Variants in CCDC13 observed in about 807,000 individuals in gnomAD.
CCDC13 encodes the protein coiled-coil domain-containing protein 13.
CCDC13 carries 70 observed loss-of-function variants against 87.3 expected under a neutral mutation model. That is an observed-to-expected ratio of 0.80 (90% CI 0.66 to 0.98). The LOEUF (loss-of-function observed/expected upper bound fraction) is 0.98. CCDC13 is among the 50% of genes least tolerant of loss of function. The pLI is 0.00. For missense variants in CCDC13, 842 were observed against 892.0 expected (o/e 0.94, Z 0.71); for synonymous variants, 317 against 360.3 (o/e 0.88, Z 1.36).
Position 42,750,650 on chromosome 3 carries a change from T to A in CCDC13, c.603+1286A>T, listed in dbSNP as rs1240618560. ...GCCTGGCTAATTGTTGTATTTTTACTAGAGATGGTGTTTCACCATGTTGGC... is the reference window on the plus strand; with the variant it reads ...GCCTGGCTAATTGTTGTATTTTTACAAGAGATGGTGTTTCACCATGTTGGC... On this transcript the variant is annotated intron_variant, in intron 5 of 15. Transcript: ENST00000310232. Among the ~76,000 whole-genome samples, 3 of 152,342 alleles carry A rather than the reference T, an allele frequency of 2.0e-5. No individual in the cohort carries two copies. In the East Asian group the frequency reaches 5.8e-4, roughly 29 times the overall value.
At chr3:42,733,176 AAC>A (rs1297008790) in intron 11 of CCDC13, among the ~76,000 whole-genome samples, 1 of 152,244 alleles carries the variant, frequency 6.6e-6, no homozygotes, top group African/African-American at 2.4e-5. Flanking sequence ...TGAACAACCC[AAC>A]ACGGGTCTGT....
chr3:42,707,553 G>A lies in CCDC13; in HGVS notation c.*1427C>T, dbSNP rs115131009. On this transcript the variant is annotated 3_prime_UTR_variant, in exon 16 of 16. Coordinates refer to ENST00000310232, the MANE Select transcript of CCDC13 (RefSeq NM_144719.4). ...AGCCGCAGTGGCTTTTCCAAGGAAG[G>A]AGCTGACAAGATGCTCGCAGGAGCC... Among the ~76,000 whole-genome samples, 1,104 of 152,328 alleles carry A rather than the reference G, an allele frequency of 7.2e-3. 9 individuals are homozygous for A. Among genetic ancestry groups the A allele is most frequent in the Non-Finnish European group, 0.01 (692 of 68,026 alleles).
At chr3:42,742,833 T>A in intron 8 of CCDC13, 63 bp downstream of exon 8, 2 of 1,589,850 alleles carry the variant, frequency 1.3e-6, no homozygotes. Flanking sequence ...TCAGAGCCCT[T>A]GCAGGCACCA....
chr3:42,711,637 C>A (rs1399588583), intron 14 of CCDC13, among the ~76,000 whole-genome samples: 3 of 152,226 alleles, frequency 2.0e-5, no homozygotes, highest in Non-Finnish European at 4.4e-5. Flanking sequence ...CAGGCCACAT[C>A]CCCTCCCAGT....
intron 13 of CCDC13, among the ~76,000 whole-genome samples, chr3:42,716,107 A>G (rs1233109245): frequency 6.6e-6 from 1 of 152,208 alleles, no homozygotes; most frequent in Non-Finnish European, 1.5e-5. Context: ...TGCTTTCCAC[A>G]TACCAACTAC....
At chr3:42,721,204 C>T (rs1044127416) in intron 13 of CCDC13, among the ~76,000 whole-genome samples, 1 of 152,156 alleles carries the variant, frequency 6.6e-6, no homozygotes, top group South Asian at 2.1e-4. Flanking sequence ...ACAGAGGCAA[C>T]CAAAATTTCC....
intron 1 of CCDC13, among the ~76,000 whole-genome samples, chr3:42,772,405 G>A (rs1211431185): frequency 6.6e-6 from 1 of 152,102 alleles, no homozygotes; most frequent in African/African-American, 2.4e-5. Context: ...AGTCCTATGA[G>A]GAAGCAAGAT....
chr3:42,770,876 G>A (rs1213677883), intron 1 of CCDC13: 2 of 152,728 alleles, frequency 1.3e-5, no homozygotes, highest in Non-Finnish European at 2.9e-5. Flanking sequence ...CCACCAAAAG[G>A]AAGAAACTCT....
rs143078504 is a variant in CCDC13 at position 42,713,201 on chromosome 3, C to T, written c.1834G>A (p.Ala612Thr). The change falls in exon 14 of 16, where the codon GCA (alanine) becomes ACA (threonine). Residue 612 changes from alanine (A) to threonine (T), a missense_variant. By Grantham distance (58) the Ala-to-Thr change is moderately conservative. Transcript: ENST00000310232. ...LEKIRLEPGK[A>T]SASQRAAPRT... ...GGAGCTGCTCTCTGGGAGGCTGATG[C>T]CTTCCCTGGCTCCAGGCGTATCTTC... The T allele has an allele frequency of 1.9e-5, 31 of 1,614,060 alleles. No individual in the cohort carries two copies. Among genetic ancestry groups the T allele is most frequent in the Non-Finnish European group, 2.6e-5 (31 of 1,180,012 alleles).
At chr3:42,754,518 T>C (rs1028093178) in intron 3 of CCDC13, among the ~76,000 whole-genome samples, 4 of 152,118 alleles carry the variant, frequency 2.6e-5, no homozygotes, top group African/African-American at 7.2e-5. Flanking sequence ...AGAAATGCAG[T>C]TTCAGCAGAG....
At chr3:42,725,963 C>T (rs141819523) in intron 13 of CCDC13, among the ~76,000 whole-genome samples, 1 of 152,064 alleles carries the variant, frequency 6.6e-6, no homozygotes, top group Non-Finnish European at 1.5e-5. Flanking sequence ...GGAATAAGTT[C>T]AAAATTATTT....
chr3:42,755,374 C>T (rs557388552), intron 3 of CCDC13, among the ~76,000 whole-genome samples: 3 of 152,144 alleles, frequency 2.0e-5, no homozygotes, highest in African/African-American at 4.8e-5. Flanking sequence ...TTTGGGAGTC[C>T]GAGGCGGGCA....
Position 42,758,202 on chromosome 3 carries a change from C to G in CCDC13, c.144G>C (p.Glu48Asp). 1 of 1,614,170 alleles carries G rather than the reference C, an allele frequency of 6.2e-7. No homozygotes were observed. Among genetic ancestry groups the G allele is most frequent in the Non-Finnish European group, 8.5e-7 (1 of 1,180,052 alleles). ...LSLKSRADDQ[E>D]EPLEVSDGLS... ...GGCCATCTGAAACCTCCAAGGGCTC[C>G]TCTTGGTCGTCAGCTCTGCTTTTGA... Residue 48 changes from glutamate to aspartate, a missense_variant, in exon 2 of 16, where the codon GAG (glutamate) becomes GAC (aspartate). Physicochemically the swap from Glu to Asp is conservative, Grantham distance 45. Transcript: ENST00000310232.
intron 1 of CCDC13, among the ~76,000 whole-genome samples, chr3:42,766,841 T>C (rs1388972890): frequency 1.3e-5 from 2 of 152,144 alleles, no homozygotes; most frequent in African/African-American, 2.4e-5. Flanking sequence ...GAAAAAGCAT[T>C]TGACAAAATC....
intron 13 of CCDC13, among the ~76,000 whole-genome samples, chr3:42,725,993 T>G (rs80340674): frequency 0.02 from 3,090 of 152,240 alleles, 96 homozygotes; most frequent in African/African-American, 0.07. Flanking sequence ...AGGCAAAAAT[T>G]GTAATGAAAG....
chr3:42,709,277 C>G, intron 15 of CCDC13, 138 bp from the exon 16 acceptor site: 1 of 840,036 alleles, frequency 1.2e-6, no homozygotes, highest in Non-Finnish European at 1.8e-6. Context: ...CCCCTCCTCT[C>G]ACTGACTCTT....
chr3:42,759,321 A>C (rs1053516868), intron 1 of CCDC13, among the ~76,000 whole-genome samples: 4 of 150,614 alleles, frequency 2.7e-5, no homozygotes, highest in African/African-American at 4.9e-5. Flanking sequence ...AAAAAAAAAA[A>C]CACAAATTTT....
chr3:42,747,279 T>C lies in CCDC13; in HGVS notation c.698A>G (p.Gln233Arg), dbSNP rs147740813. ...GACCTTCTGTGCCATCCGCAGCTCCTGCTTCACAGACTGGATCTGGTTTCG... is the reference window on the plus strand; with the variant it reads ...GACCTTCTGTGCCATCCGCAGCTCCCGCTTCACAGACTGGATCTGGTTTCG... ...DLRNQIQSVK[Q>R]ELRMAQKVLA... The change falls in exon 6 of 16, where the codon CAG becomes CGG. Residue 233 changes from glutamine to arginine, a missense_variant. Gln to Arg is a conservative substitution (Grantham distance 43, BLOSUM62 1). Coordinates refer to ENST00000310232, the MANE Select transcript of CCDC13 (RefSeq NM_144719.4). The C allele has an allele frequency of 7.8e-5, 126 of 1,614,102 alleles. No individual in the cohort carries two copies. The African/African-American group carries it at 1.5e-3, about 19-fold the overall frequency.
intron 8 of CCDC13, among the ~76,000 whole-genome samples, chr3:42,742,427 A>G (rs930063269): frequency 8.5e-5 from 13 of 152,212 alleles, no homozygotes; most frequent in Non-Finnish European, 1.8e-4. Flanking sequence ...GTTCGTTTAC[A>G]TGGGCCAATG....
Sources: gnomAD v4.1 joint callset for allele counts (sites outside exome capture counted in the v4.1 genomes callset) on GRCh38, gnomAD v4.1.1 for gene constraint, MANE v1.5 for transcripts, NCBI Gene and HGNC (gene_info 2026-07-23, HGNC 2026-07-21) for gene names.